Variants in CELF2 observed in about 807,000 individuals in gnomAD.
The protein encoded by CELF2 is CUG triplet repeat RNA-binding protein 2.
In CELF2, 8 loss-of-function variants were observed where a neutral mutation model predicts 62.6. The ratio of observed to expected loss-of-function variants is 0.13; its 90% CI spans 0.07 to 0.23. The LOEUF (loss-of-function observed/expected upper bound fraction) is 0.23, where lower values mean the gene tolerates loss of function less well. Ranked by LOEUF, CELF2 falls within the 10% of genes least tolerant of loss-of-function variation. The pLI is 1.00. For missense variants in CELF2, 333 were observed against 671.0 expected (o/e 0.50, Z 5.56); for synonymous variants, 258 against 250.0 (o/e 1.03, Z -0.30).
chr10:10,675,773 C>A, the CELF2 span, among the ~76,000 whole-genome samples: 1 of 152,174 alleles, frequency 6.6e-6, no homozygotes, highest in Admixed American at 6.5e-5. Flanking sequence ...TCTTCCATTT[C>A]TGTTACTGTG....
chr10:10,577,262 A>G, the CELF2 span, among the ~76,000 whole-genome samples: 1 of 152,242 alleles, frequency 6.6e-6, no homozygotes, highest in Non-Finnish European at 1.5e-5. Flanking sequence ...GGAGGAATCA[A>G]AGGTTGATAA....
At chr10:10,693,413 A>C in the CELF2 span, among the ~76,000 whole-genome samples, 1 of 149,244 alleles carries the variant, frequency 6.7e-6, no homozygotes, top group Non-Finnish European at 1.5e-5. Context: ...TCGTTTTGCC[A>C]GTATTTTATT....
At chr10:11,099,881 C>CA (rs1554835241) in intron 1 of CELF2, among the ~76,000 whole-genome samples, 3,678 of 132,972 alleles carry the variant, frequency 0.028, 47 homozygotes, top group East Asian at 0.12. Context: ...ACAACAACAA[C>CA]AACAAAAAAA....
chr10:10,615,307 T>G, the CELF2 span, among the ~76,000 whole-genome samples: 2 of 152,118 alleles, frequency 1.3e-5, no homozygotes, highest in Non-Finnish European at 2.9e-5. Flanking sequence ...CCCATTGTGA[T>G]CATTTACAGA....
chr10:11,095,114 G>A (rs1230630546), intron 1 of CELF2, among the ~76,000 whole-genome samples: 1 of 151,868 alleles, frequency 6.6e-6, no homozygotes, highest in Admixed American at 6.6e-5. Flanking sequence ...TTTTAATGAG[G>A]CACCCAGATC....
chr10:10,508,937 G>A, the CELF2 span, among the ~76,000 whole-genome samples: 4 of 152,066 alleles, frequency 2.6e-5, no homozygotes, highest in Non-Finnish European at 5.9e-5. Context: ...GCCTCCCAAA[G>A]TGCTGGGATT....
At position 11,242,647 on chromosome 10, in the gene CELF2, C is replaced by G. The variant is rs959562970; in HGVS notation, c.355-6506C>G. ...TGGCTTTGCTCCAAAGTCGTACTCT[C>G]ATTTTCATTTTCATGAGTCACAGCT... On this transcript the variant is annotated intron_variant, in intron 3 of 12. Transcript: ENST00000633077. The surrounding 1 kb of genome is among the most constrained non-coding windows in gnomAD (Gnocchi z 4.8). Among the ~76,000 whole-genome samples, 2 of 152,178 alleles carry G rather than the reference C, an allele frequency of 1.3e-5. No homozygotes were observed. Among genetic ancestry groups the G allele is most frequent in the African/African-American group, 4.8e-5 (2 of 41,424 alleles).
the CELF2 span, among the ~76,000 whole-genome samples, chr10:10,659,054 C>T: frequency 6.6e-6 from 1 of 152,118 alleles, no homozygotes; most frequent in Non-Finnish European, 1.5e-5. Context: ...TGTTTGACCT[C>T]TGATTATTGG....
At chr10:11,233,953 A>G (rs756852543) in intron 3 of CELF2, among the ~76,000 whole-genome samples, 5 of 152,252 alleles carry the variant, frequency 3.3e-5, no homozygotes, top group Non-Finnish European at 5.9e-5. Flanking sequence ...CCACAGGCAT[A>G]TGTGAACATT....
the CELF2 span, among the ~76,000 whole-genome samples, chr10:10,709,472 G>A: frequency 1.3e-5 from 2 of 152,200 alleles, no homozygotes; most frequent in Middle Eastern, 3.4e-3. Context: ...CAACTTTGAA[G>A]CTTGCAAAAT....
chr10:10,789,783 C>CAT, the CELF2 span, among the ~76,000 whole-genome samples: 1 of 152,056 alleles, frequency 6.6e-6, no homozygotes, highest in Non-Finnish European at 1.5e-5. Flanking sequence ...TGGGATTTTG[C>CAT]ATACATACTA....
intron 8 of CELF2, among the ~76,000 whole-genome samples, chr10:11,283,937 G>T (rs2090029402): frequency 2.0e-5 from 3 of 151,544 alleles, no homozygotes; most frequent in Non-Finnish European, 4.4e-5. Flanking sequence ...TGAGTGTGTG[G>T]TGGGTGGATG....
chr10:10,656,952 A>G, the CELF2 span, among the ~76,000 whole-genome samples: 5 of 152,136 alleles, frequency 3.3e-5, no homozygotes, highest in East Asian at 1.9e-4. Context: ...TGTCCACACA[A>G]AAAAACTTAC....
chr10:10,872,478 G>A (rs150754254), intron 1 of CELF2, among the ~76,000 whole-genome samples: 2,346 of 152,180 alleles, frequency 0.015, 30 homozygotes, highest in Middle Eastern at 0.044. Context: ...AAAACATTCC[G>A]AATGATGATG....
chr10:10,488,221 CA>C, the CELF2 span, among the ~76,000 whole-genome samples: 1 of 151,952 alleles, frequency 6.6e-6, no homozygotes, highest in Non-Finnish European at 1.5e-5. Context: ...GTAGTAATCC[CA>C]ATCCTTATTT....
the CELF2 span, among the ~76,000 whole-genome samples, chr10:10,618,138 G>A: frequency 9.7e-3 from 1,481 of 152,096 alleles, 35 homozygotes; most frequent in African/African-American, 0.033. Context: ...TGGTTTCTAA[G>A]CCTGCCTCTT....
At chr10:10,852,307 CAGG>C (rs901727014) in intron 1 of CELF2, among the ~76,000 whole-genome samples, 1 of 152,154 alleles carries the variant, frequency 6.6e-6, no homozygotes, top group Non-Finnish European at 1.5e-5. Context: ...GGATGGATCT[CAGG>C]GGGATTATAC....
At chr10:10,514,853 C>T in the CELF2 span, among the ~76,000 whole-genome samples, 1 of 152,090 alleles carries the variant, frequency 6.6e-6, no homozygotes, top group East Asian at 1.9e-4. Context: ...GTGTTAATTC[C>T]TAAAACCTCT....
intron 1 of CELF2, among the ~76,000 whole-genome samples, chr10:10,879,253 A>C (rs1209522781): frequency 6.6e-6 from 1 of 152,238 alleles, no homozygotes; most frequent in Non-Finnish European, 1.5e-5. Context: ...ACAAAGGCAG[A>C]AAACCTCCCT....
Sources: allele counts gnomAD v4.1 joint callset (sites outside exome capture counted in the v4.1 genomes callset), GRCh38; gene constraint gnomAD v4.1.1; non-coding constraint Gnocchi (gnomAD v3.1); transcripts MANE v1.5; gene names NCBI Gene and HGNC (gene_info 2026-07-23, HGNC 2026-07-21).